The following DNAH14 variants were observed in gnomAD, a reference collection of about 807,000 sequenced individuals.
DNAH14 encodes dynein axonemal heavy chain 14.
A neutral mutation model predicts 520.9 loss-of-function variants in DNAH14; 478 were observed. That is an observed-to-expected ratio of 0.92 (90% CI 0.85 to 0.99). The LOEUF (loss-of-function observed/expected upper bound fraction) is 0.99, where lower values mean the gene tolerates loss of function less well. Ranked by LOEUF, DNAH14 falls within the 50% of genes least tolerant of loss-of-function variation. DNAH14 has a pLI of 0.00. For missense variants in DNAH14, 4,831 were observed against 5,234.5 expected (o/e 0.92, Z 2.38); for synonymous variants, 1,581 against 1,757.2 (o/e 0.90, Z 2.51).
chr1:225,116,853 G>T (rs2076907473), intron 23 of DNAH14, among the ~76,000 whole-genome samples: 1 of 152,188 alleles, frequency 6.6e-6, no homozygotes, highest in Non-Finnish European at 1.5e-5. Context: ...AAAGCTCTCA[G>T]TAAATTTGGT....
intron 10 of DNAH14, among the ~76,000 whole-genome samples, chr1:225,013,324 G>A (rs2064952069): frequency 1.3e-5 from 2 of 151,828 alleles, no homozygotes; most frequent in Admixed American, 1.3e-4. Flanking sequence ...ATTGCTGCCT[G>A]CTCCTTCCTC....
intron 1 of DNAH14, among the ~76,000 whole-genome samples, chr1:224,949,443 G>A (rs1173211968): frequency 6.6e-6 from 1 of 152,088 alleles, no homozygotes; most frequent in Non-Finnish European, 1.5e-5. Context: ...TTTATGTCTG[G>A]AAAATTATTC....
intron 60 of DNAH14, among the ~76,000 whole-genome samples, chr1:225,317,182 T>C (rs2094483043): frequency 1.3e-5 from 2 of 152,188 alleles, no homozygotes; most frequent in South Asian, 4.1e-4. Context: ...TTAATGTCAA[T>C]ATTTCTTGAA....
chr1:225,275,801 G>A (rs2093452565), intron 52 of DNAH14, 113 bp from the exon 53 acceptor site: 1 of 191,548 alleles, frequency 5.2e-6, no homozygotes, highest in Admixed American at 6.0e-5. Flanking sequence ...GAACACATTA[G>A]TCCTAGATCC....
chr1:225,288,799 A>G (rs187160605), intron 54 of DNAH14, among the ~76,000 whole-genome samples: 1 of 152,306 alleles, frequency 6.6e-6, no homozygotes, highest in African/African-American at 2.4e-5. Flanking sequence ...ATAATCAAAA[A>G]GATAGTTAAT....
chr1:224,935,366 T>C (rs2058962591), intron 1 of DNAH14, among the ~76,000 whole-genome samples: 1 of 151,766 alleles, frequency 6.6e-6, no homozygotes. Flanking sequence ...ACGACACATA[T>C]AGATTGAAAG....
chr1:225,370,532 T>C (rs1425313338), intron 77 of DNAH14, among the ~76,000 whole-genome samples: 1 of 151,566 alleles, frequency 6.6e-6, no homozygotes, highest in Non-Finnish European at 1.5e-5. Context: ...AAAATAAAAA[T>C]AAATAAAATC....
intron 40 of DNAH14, among the ~76,000 whole-genome samples, chr1:225,206,543 C>T (rs1416453294): frequency 1.3e-5 from 2 of 152,172 alleles, no homozygotes; most frequent in African/African-American, 4.8e-5. Flanking sequence ...ACTATGAAGA[C>T]AGTGGGAGGG....
chr1:225,282,962 A>G (rs2149933980), intron 54 of DNAH14, among the ~76,000 whole-genome samples: 1 of 152,238 alleles, frequency 6.6e-6, no homozygotes, highest in South Asian at 2.1e-4. Context: ...TGTGTGGCAA[A>G]TGTAATTTTC....
At chr1:225,127,615 A>T (rs1204533436) in intron 27 of DNAH14, among the ~76,000 whole-genome samples, 2 of 151,918 alleles carry the variant, frequency 1.3e-5, no homozygotes, top group African/African-American at 2.4e-5. Context: ...TGCACGTGAG[A>T]TGGGTTTCCT....
chr1:225,150,645 A>T (rs1323726852), intron 31 of DNAH14, among the ~76,000 whole-genome samples: 2 of 151,994 alleles, frequency 1.3e-5, no homozygotes, highest in Non-Finnish European at 2.9e-5. Flanking sequence ...TGTGTTTAGG[A>T]ATTTATCCAT....
Position 225,051,807 on chromosome 1 carries a change from G to C in DNAH14, c.2424+12G>C. 1.4e-6 allele frequency: 2 copies of C among 1,459,140 alleles called. No individual in the cohort carries two copies. The highest frequency in any genetic ancestry group is 1.8e-6 in the Non-Finnish European group (2 of 1,100,776). The allele number at this position is 1,459,140 out of a possible 1,614,324, so 90.4% of individuals were successfully genotyped here. A position where few individuals can be genotyped will look rare whatever the true frequency, so the allele number is the denominator to read the frequency against. On this transcript the variant is annotated intron_variant, in intron 17 of 85. Transcript: ENST00000682510. Reference sequence around the variant, plus strand: ...AAAATTTATTGGAAGTAAGTATTTTGAAAATTCTTATTGTGTAAGAATGTT... The same window carrying C: ...AAAATTTATTGGAAGTAAGTATTTTCAAAATTCTTATTGTGTAAGAATGTT...
intron 17 of DNAH14, among the ~76,000 whole-genome samples, chr1:225,069,560 G>C (rs2071304481): frequency 6.6e-6 from 1 of 152,146 alleles, no homozygotes. Context: ...AAGCCTACTT[G>C]ATCATGGTGG....
At chr1:225,297,802 A>G (rs2094043557) in intron 55 of DNAH14, among the ~76,000 whole-genome samples, 1 of 152,190 alleles carries the variant, frequency 6.6e-6, no homozygotes, top group African/African-American at 2.4e-5. Flanking sequence ...GTTTGGGGCC[A>G]TAGGGCTATT....
chr1:225,222,168 T>C (rs534395916), intron 41 of DNAH14, among the ~76,000 whole-genome samples: 1 of 152,248 alleles, frequency 6.6e-6, no homozygotes, highest in East Asian at 1.9e-4. Flanking sequence ...ATGGATCATG[T>C]TGGAACCCTC....
chr1:225,189,622 T>G (rs1165102385), intron 37 of DNAH14, among the ~76,000 whole-genome samples: 1 of 151,866 alleles, frequency 6.6e-6, no homozygotes, highest in Non-Finnish European at 1.5e-5. Flanking sequence ...ACTTGTCCAT[T>G]TCATCTTGCT....
chr1:225,074,920 C>T (rs1286323202), intron 17 of DNAH14, among the ~76,000 whole-genome samples: 2 of 152,214 alleles, frequency 1.3e-5, no homozygotes, highest in East Asian at 3.9e-4. Context: ...GTAGCACCCC[C>T]AGACTATCAC....
In DNAH14 at chr1:225,100,460, A is replaced by G. The variant is rs182845370; in HGVS notation, c.3696-253A>G. Among the ~76,000 whole-genome samples, 8 of 152,294 alleles carry G rather than the reference A, an allele frequency of 5.3e-5. No homozygotes were observed. In the East Asian group the frequency reaches 7.7e-4, roughly 15 times the overall value. ...TACTTACCTTATGCAGAATTTCTATACATCTGTCTTCCACTGTATACTAAG... is the reference window on the plus strand; with the variant it reads ...TACTTACCTTATGCAGAATTTCTATGCATCTGTCTTCCACTGTATACTAAG... On this transcript the variant is annotated intron_variant, in intron 22 of 85. Coordinates refer to ENST00000682510, the MANE Select transcript of DNAH14 (RefSeq NM_001367479.1).
At chr1:225,366,154 C>T (rs1156930813) in intron 76 of DNAH14, among the ~76,000 whole-genome samples, 1 of 152,090 alleles carries the variant, frequency 6.6e-6, no homozygotes, top group Non-Finnish European at 1.5e-5. Flanking sequence ...TTGGCTAAGA[C>T]TATAACTATG....
Sources: allele counts gnomAD v4.1 joint callset (sites outside exome capture counted in the v4.1 genomes callset), GRCh38; gene constraint gnomAD v4.1.1; transcripts MANE v1.5; gene names NCBI Gene and HGNC (gene_info 2026-07-23, HGNC 2026-07-21).